The following GPC5 variants were observed in gnomAD, a reference collection of about 807,000 sequenced individuals.
GPC5 encodes glypican-5.
A neutral mutation model predicts 53.9 loss-of-function variants in GPC5; 47 were observed. The observed-to-expected ratio is 0.87, with a 90% CI of 0.69 to 1.11. The LOEUF is 1.11. GPC5 is among the 50% of genes most tolerant of loss of function. The pLI, the probability that GPC5 is intolerant of heterozygous loss-of-function variation, is 0.00. For synonymous variants in GPC5, 286 were observed against 263.3 expected (o/e 1.09, Z -0.84); for missense variants, 748 against 713.1 (o/e 1.05, Z -0.56).
At chr13:91,774,395 AC>A (rs2037675595) in intron 5 of GPC5, among the ~76,000 whole-genome samples, 2 of 152,140 alleles carry the variant, frequency 1.3e-5, no homozygotes, top group South Asian at 4.1e-4. Flanking sequence ...TTGGGTGCCT[AC>A]TGTGTGTGAG....
intron 7 of GPC5, among the ~76,000 whole-genome samples, chr13:92,651,161 T>C (rs1220159886): frequency 6.7e-6 from 1 of 149,158 alleles, no homozygotes; most frequent in Non-Finnish European, 1.5e-5. Context: ...CTTAATAAAC[T>C]CCCCTTTATA....
chr13:92,285,587 C>G (rs2139175697), intron 7 of GPC5, among the ~76,000 whole-genome samples: 1 of 152,258 alleles, frequency 6.6e-6, no homozygotes, highest in South Asian at 2.1e-4. Context: ...AATAATACCA[C>G]ACATCTACAA....
At chr13:92,516,108 A>G (rs1260521021) in intron 7 of GPC5, among the ~76,000 whole-genome samples, 1 of 152,130 alleles carries the variant, frequency 6.6e-6, no homozygotes, top group Admixed American at 6.6e-5. Context: ...AATTGCATGC[A>G]TGGGTTACTA....
chr13:92,465,788 G>T (rs1878667596), intron 7 of GPC5, among the ~76,000 whole-genome samples: 1 of 151,902 alleles, frequency 6.6e-6, no homozygotes, highest in South Asian at 2.1e-4. Context: ...GAAAACATTA[G>T]TCCAATGACG....
chr13:91,742,007 A>C (rs967769022), intron 4 of GPC5, among the ~76,000 whole-genome samples: 1 of 152,180 alleles, frequency 6.6e-6, no homozygotes, highest in African/African-American at 2.4e-5. Flanking sequence ...AATGAAAAAA[A>C]ATCTGCTTAA....
chr13:92,147,678 AAG>A (rs1373494807), intron 7 of GPC5, among the ~76,000 whole-genome samples: 4 of 152,056 alleles, frequency 2.6e-5, no homozygotes, highest in African/African-American at 9.7e-5. Context: ...TGGGCGATTT[AAG>A]AGAGATGATT....
intron 6 of GPC5, among the ~76,000 whole-genome samples, chr13:92,024,109 T>C (rs1030265360): frequency 2.0e-5 from 3 of 152,126 alleles, no homozygotes; most frequent in Admixed American, 1.3e-4. Flanking sequence ...AAGCCTCAAT[T>C]ATGGTGCCTA....
At chr13:92,322,870 A>C (rs2043225195) in intron 7 of GPC5, among the ~76,000 whole-genome samples, 1 of 152,120 alleles carries the variant, frequency 6.6e-6, no homozygotes, top group South Asian at 2.1e-4. Flanking sequence ...CCCTTGAACT[A>C]ACAAGGAAGC....
intron 2 of GPC5, among the ~76,000 whole-genome samples, chr13:91,471,811 G>C (rs189058000): frequency 2.6e-5 from 4 of 151,970 alleles, no homozygotes; most frequent in African/African-American, 9.6e-5. Flanking sequence ...TTTCCTCCCT[G>C]TTCCTCTTGA....
intron 5 of GPC5, among the ~76,000 whole-genome samples, chr13:91,760,927 G>A (rs2037397802): frequency 6.6e-6 from 1 of 152,156 alleles, no homozygotes; most frequent in Admixed American, 6.5e-5. Flanking sequence ...CAACACTGAG[G>A]TCAACAGTTC....
intron 7 of GPC5, among the ~76,000 whole-genome samples, chr13:92,165,381 C>T (rs1188985462): frequency 6.6e-6 from 1 of 152,044 alleles, no homozygotes; most frequent in Non-Finnish European, 1.5e-5. Context: ...TTTCACACTG[C>T]TATGAAAAAA....
chr13:92,030,997 A>G (rs2040836631), intron 6 of GPC5, among the ~76,000 whole-genome samples: 1 of 152,198 alleles, frequency 6.6e-6, no homozygotes, highest in Non-Finnish European at 1.5e-5. Context: ...ACAAAGTCCT[A>G]TAAAAATTTT....
intron 6 of GPC5, among the ~76,000 whole-genome samples, chr13:91,914,143 A>G (rs1409716579): frequency 6.6e-6 from 1 of 152,216 alleles, no homozygotes; most frequent in Middle Eastern, 3.2e-3. Context: ...ACACTAAATG[A>G]CATCTATCAT....
chr13:92,697,807 A>G (rs1208189414), intron 7 of GPC5, among the ~76,000 whole-genome samples: 1 of 152,204 alleles, frequency 6.6e-6, no homozygotes. Context: ...GTTTTTGCCC[A>G]TTCAGTATGA....
chr13:92,172,225 T>C (rs1236545880), intron 7 of GPC5, among the ~76,000 whole-genome samples: 1 of 152,130 alleles, frequency 6.6e-6, no homozygotes, highest in African/African-American at 2.4e-5. Flanking sequence ...GAGAGTGTAT[T>C]TGGAAGAACA....
rs562902688 is a variant in GPC5, at chr13:91,798,971, C to CT, written c.1280+42558dup. On this transcript the variant is annotated intron_variant, in intron 5 of 7. Coordinates refer to ENST00000377067, the MANE Select transcript of GPC5 (RefSeq NM_004466.6). ...TTTGCATTTCTGTATCAGTGATGGA[C>CT]TTTTTTTCATATGTTTATTGGCCAC... Among the ~76,000 whole-genome samples, 13 of 152,210 alleles carry CT rather than the reference C, an allele frequency of 8.5e-5. No individual in the cohort carries two copies. In the East Asian group the frequency reaches 2.3e-3, roughly 27 times the overall value.
chr13:92,577,412 A>G (rs1233678462), intron 7 of GPC5, among the ~76,000 whole-genome samples: 27 of 107,384 alleles, frequency 2.5e-4, no homozygotes, highest in African/African-American at 8.6e-4. Context: ...GTAAGTATGT[A>G]TGTATATGTG....
chr13:92,489,101 A>G (rs1879665021), intron 7 of GPC5, among the ~76,000 whole-genome samples: 1 of 152,184 alleles, frequency 6.6e-6, no homozygotes, highest in African/African-American at 2.4e-5. Context: ...CTCTTTGACA[A>G]TACATTGCAT....
intron 1 of GPC5, among the ~76,000 whole-genome samples, chr13:91,435,000 G>C (rs1183090965): frequency 6.6e-6 from 1 of 152,160 alleles, no homozygotes; most frequent in Non-Finnish European, 1.5e-5. Flanking sequence ...TCCGTTATTG[G>C]TGTATAAGAA....
Sources: allele counts gnomAD v4.1 joint callset (sites outside exome capture counted in the v4.1 genomes callset), GRCh38; gene constraint gnomAD v4.1.1; transcripts MANE v1.5; gene names NCBI Gene and HGNC (gene_info 2026-07-23, HGNC 2026-07-21).